TNFRSF1B: variants seen among roughly 807,000 people sequenced by gnomAD.
TNFRSF1B encodes the protein TNF receptor superfamily member 1B.
Under a neutral mutation model 44.6 loss-of-function variants are expected in TNFRSF1B, and 19 were observed. The observed-to-expected ratio is 0.43, with a 90% CI of 0.30 to 0.62. TNFRSF1B has a LOEUF of 0.62. Among genes scored for constraint, TNFRSF1B ranks in the 20% least tolerant of loss-of-function variants. TNFRSF1B has a pLI of 0.16. For synonymous variants in TNFRSF1B, 252 were observed against 261.1 expected (o/e 0.97, Z 0.34); for missense variants, 541 against 619.9 (o/e 0.87, Z 1.35).
At chr1:12,184,060 A>G (rs1405011013) in intron 1 of TNFRSF1B, among the ~76,000 whole-genome samples, 1 of 152,216 alleles carries the variant, frequency 6.6e-6, no homozygotes, top group African/African-American at 2.4e-5. Context: ...TCATTTTAAC[A>G]TGTCAAAGAT....
chr1:12,195,874 G>A (rs1639255413), intron 8 of TNFRSF1B, among the ~76,000 whole-genome samples: 1 of 152,160 alleles, frequency 6.6e-6, no homozygotes, highest in Non-Finnish European at 1.5e-5. Flanking sequence ...TCAACCTCAT[G>A]GATATTTGAG....
Position 12,169,632 on chromosome 1 carries a change from C to T in TNFRSF1B, c.78+2463C>T, listed in dbSNP as rs888952229. 3.9e-5 allele frequency among the ~76,000 whole-genome samples: 6 copies of T among 152,270 alleles called. No homozygotes were observed. Among genetic ancestry groups the T allele is most frequent in the African/African-American group, 1.4e-4 (6 of 41,472 alleles). On this transcript the variant is annotated intron_variant, in intron 1 of 9. Coordinates refer to ENST00000376259, the MANE Select transcript of TNFRSF1B (RefSeq NM_001066.3). This position sits in a 1 kb window ranked among gnomAD's most constrained non-coding sequence, Gnocchi z 4.5. ...AGCTGCAGAAGAAGCCCCCAGGAGA[C>T]CTGAGCTAGCCATGGACGCAGCCGA...
intron 6 of TNFRSF1B, among the ~76,000 whole-genome samples, chr1:12,193,446 G>A (rs1266140658): frequency 6.6e-6 from 1 of 152,212 alleles, no homozygotes; most frequent in Non-Finnish European, 1.5e-5. Context: ...GTGGGATGGT[G>A]CCTATTGTCC....
intron 7 of TNFRSF1B, 149 bp downstream of exon 7, chr1:12,194,181 G>A (rs1639214886): frequency 6.0e-6 from 4 of 666,180 alleles, no homozygotes; most frequent in Admixed American, 5.7e-5. Context: ...GGCCTGGGGT[G>A]AAGGTACCTC....
At chr1:12,167,827 T>A (rs950085700) in intron 1 of TNFRSF1B, among the ~76,000 whole-genome samples, 1 of 151,790 alleles carries the variant, frequency 6.6e-6, no homozygotes, top group African/African-American at 2.4e-5. Context: ...GCGAGGGAGG[T>A]CTGGGCTGGT....
chr1:12,175,348 A>C (rs1374165848), intron 1 of TNFRSF1B, among the ~76,000 whole-genome samples: 1 of 152,170 alleles, frequency 6.6e-6, no homozygotes, highest in African/African-American at 2.4e-5. Context: ...TCCCAGCAGG[A>C]GTGAGTGGCT....
chr1:12,192,423 C>T lies in TNFRSF1B; in HGVS notation c.458-8C>T, dbSNP rs1398244336. On this transcript the variant is annotated splice_polypyrimidine_tract_variant and splice_region_variant and intron_variant, in intron 4 of 9. Coordinates refer to ENST00000376259, the MANE Select transcript of TNFRSF1B (RefSeq NM_001066.3). Reference sequence around the variant, plus strand: ...GAGTGGTTGACAAGTTCGGATTGTTCCCTGAAGGAACTGAAACATCAGACG... The same window carrying T: ...GAGTGGTTGACAAGTTCGGATTGTTTCCTGAAGGAACTGAAACATCAGACG... 1.2e-6 allele frequency: 2 copies of T among 1,613,766 alleles called. No homozygotes were observed. The highest frequency in any genetic ancestry group is 1.7e-6 in the Non-Finnish European group (2 of 1,179,858).
rs1238575239 is a variant in TNFRSF1B, at chr1:12,193,074, A to T, written c.763A>T (p.Thr255Ser). Residue 255 changes from threonine to serine, a missense_variant, in exon 6 of 10, where the codon ACT (threonine) becomes TCT (serine). Transcript: ENST00000376259. ...MGPSPPAEGS[T>S]GDFALPVGLI... ...CCCCAGCCCCCCAGCTGAAGGGAGC[A>T]CTGGCGACTTCGCTCTTCCAGTTGG... is the stretch of plus-strand genomic sequence containing the variant. 1 of 1,614,072 alleles carries T rather than the reference A, an allele frequency of 6.2e-7. No homozygotes were observed.
At chr1:12,196,606 A>T (rs1418447964) in intron 8 of TNFRSF1B, among the ~76,000 whole-genome samples, 2 of 152,228 alleles carry the variant, frequency 1.3e-5, no homozygotes, top group African/African-American at 4.8e-5. Context: ...TGACAAGAAA[A>T]GAGATGCAGG....
chr1:12,192,082 C>G (rs972636109), intron 4 of TNFRSF1B, among the ~76,000 whole-genome samples, 159 bp downstream of exon 4: 1 of 152,216 alleles, frequency 6.6e-6, no homozygotes, highest in African/African-American at 2.4e-5. Context: ...ACCTGTCCAC[C>G]GTTCATTCTT....
At chr1:12,170,243 G>A (rs1220581699) in intron 1 of TNFRSF1B, among the ~76,000 whole-genome samples, 2 of 152,164 alleles carry the variant, frequency 1.3e-5, no homozygotes, top group Admixed American at 6.5e-5. Flanking sequence ...CCAGTGCCTG[G>A]CTCTGGGGAC....
intron 1 of TNFRSF1B, among the ~76,000 whole-genome samples, chr1:12,183,674 A>ATCTATCTT (rs1638873415): frequency 8.0e-6 from 1 of 124,380 alleles, no homozygotes. Context: ...CTATCTATCT[A>ATCTATCTT]TCTATCTATC....
intron 5 of TNFRSF1B, 135 bp from the exon 6 acceptor site, chr1:12,192,728 C>T (rs534441104): frequency 9.6e-6 from 8 of 835,520 alleles, no homozygotes; most frequent in Admixed American, 4.4e-5. Flanking sequence ...TGGGGGAGGG[C>T]TAGGAGGGGG....
rs377153023 is a variant in TNFRSF1B at position 12,194,635 on chromosome 1, C to T, written c.900+17C>T. On this transcript the variant is annotated intron_variant, in intron 8 of 9. Transcript: ENST00000376259. Reference sequence around the variant, plus strand: ...GCCAAGGTGGTGAGTGTCTCCACTGCCCTCTCCCCCTCTTCCCCTGGTCTC... The same window carrying T: ...GCCAAGGTGGTGAGTGTCTCCACTGTCCTCTCCCCCTCTTCCCCTGGTCTC... The T allele has an allele frequency of 1.5e-4, 246 of 1,613,880 alleles. No individual in the cohort carries two copies. The highest frequency in any genetic ancestry group is 2.8e-4 in the Admixed American group (17 of 60,024).
chr1:12,191,994 C>G lies in TNFRSF1B; in HGVS notation c.457+71C>G, dbSNP rs1021760143. On this transcript the variant is annotated intron_variant, in intron 4 of 9. Transcript: ENST00000376259. ...CTTTGTAGACATCCTTGCAGTGTCACGGGCATCAACCCATTAATTAGTCCA... is the reference window on the plus strand; with the variant it reads ...CTTTGTAGACATCCTTGCAGTGTCAGGGGCATCAACCCATTAATTAGTCCA... The G allele has an allele frequency of 2.9e-5, 44 of 1,543,444 alleles. 1 individual carries two copies. In the Admixed American group the frequency reaches 8.0e-4, roughly 28 times the overall value.
At position 12,191,045 on chromosome 1, in the gene TNFRSF1B, G is replaced by C. The variant is rs1639106575; in HGVS notation, c.267G>C (p.Trp89Cys). 6.2e-7 allele frequency: 1 copy of C among 1,614,218 alleles called. No homozygotes were observed. The highest frequency in any genetic ancestry group is 1.1e-5 in the South Asian group (1 of 91,086). The change falls in exon 3 of 10, where the codon TGG (tryptophan) becomes TGC (cysteine). Residue 89 changes from tryptophan (W) to cysteine (C), a missense_variant. Transcript: ENST00000376259. The part of the protein sequence containing the change: ...EDSTYTQLWN[W>C]VPECLSCGSR... Reference sequence around the variant, plus strand: ...GCACATACACCCAGCTCTGGAACTGGGTTCCCGAGTGCTTGAGCTGTGGCT... The same window carrying C: ...GCACATACACCCAGCTCTGGAACTGCGTTCCCGAGTGCTTGAGCTGTGGCT...
Position 12,207,271 on chromosome 1 carries a change from T to C in TNFRSF1B, c.*251T>C. Reference sequence around the variant, plus strand: ...CGGAAGGCTGGCTGGGCATGGACGTTCGGGGCATGCTGGGGCAAGTCCCTG... The same window carrying C: ...CGGAAGGCTGGCTGGGCATGGACGTCCGGGGCATGCTGGGGCAAGTCCCTG... On this transcript the variant is annotated 3_prime_UTR_variant, in exon 10 of 10. Transcript: ENST00000376259. 2.4e-6 allele frequency: 1 copy of C among 414,788 alleles called. No homozygotes were observed. The highest frequency in any genetic ancestry group is 4.2e-6 in the Non-Finnish European group (1 of 236,080). 25.7% of individuals were successfully genotyped at this position (414,788 alleles called of 1,614,324 possible).
At position 12,177,822 on chromosome 1, in the gene TNFRSF1B, AT is replaced by A; in HGVS notation, c.78+10656del. On this transcript the variant is annotated intron_variant, in intron 1 of 9. Transcript: ENST00000376259. This position sits in a 1 kb window ranked among gnomAD's most constrained non-coding sequence, Gnocchi z 4.3. ...AAAAAAAAAAAAAAGAAGAGCTGAC[AT>A]TTAGCGGGTGCTTCTTGGGTGCAAT... 6.6e-6 allele frequency among the ~76,000 whole-genome samples: 1 copy of A among 151,720 alleles called. No homozygotes were observed. The highest frequency in any genetic ancestry group is 1.9e-4 in the East Asian group (1 of 5,164).
At chr1:12,172,944 C>A (rs530339044) in intron 1 of TNFRSF1B, among the ~76,000 whole-genome samples, 1 of 152,354 alleles carries the variant, frequency 6.6e-6, no homozygotes, top group Non-Finnish European at 1.5e-5. Context: ...CCTCTTCCAT[C>A]TCCAACCTCT....
Sources: allele counts gnomAD v4.1 joint callset (sites outside exome capture counted in the v4.1 genomes callset), GRCh38; gene constraint gnomAD v4.1.1; non-coding constraint Gnocchi (gnomAD v3.1); transcripts MANE v1.5; gene names NCBI Gene and HGNC (gene_info 2026-07-23, HGNC 2026-07-21).